GRM5: variants seen among roughly 807,000 people sequenced by gnomAD.
The protein encoded by GRM5 is metabotropic glutamate receptor 5.
In GRM5, 19 loss-of-function variants were observed where a neutral mutation model predicts 83.1. The ratio of observed to expected loss-of-function variants is 0.23; its 90% CI spans 0.16 to 0.34. The LOEUF is 0.34. Ranked by LOEUF, GRM5 falls within the 10% of genes least tolerant of loss-of-function variation. The pLI is 1.00. For synonymous variants in GRM5, 675 were observed against 633.6 expected, an observed-to-expected ratio of 1.07 and a Z score of -0.98; for missense variants, 1,160 against 1,588.3, an observed-to-expected ratio of 0.73 and a Z score of 4.58.
At chr11:88,663,425 TTCTC>T (rs1035192549) in intron 3 of GRM5, among the ~76,000 whole-genome samples, 2 of 152,218 alleles carry the variant, frequency 1.3e-5, no homozygotes, top group Non-Finnish European at 2.9e-5. Flanking sequence ...AATCTTTTGT[TTCTC>T]TCATCATATT....
chr11:88,666,282 C>T (rs1005480359), intron 3 of GRM5, among the ~76,000 whole-genome samples: 6 of 152,062 alleles, frequency 3.9e-5, no homozygotes, highest in African/African-American at 7.2e-5. Flanking sequence ...ATTTTTTATT[C>T]GGCAGGCTAA....
At chr11:89,038,151 T>TTGAG (rs1555067209) in intron 2 of GRM5, among the ~76,000 whole-genome samples, 1 of 144,584 alleles carries the variant, frequency 6.9e-6, no homozygotes, top group African/African-American at 2.6e-5. Flanking sequence ...TAGAATCTCA[T>TTGAG]TGTGTGTGTG....
At chr11:88,600,146 A>G (rs969700306) in intron 5 of GRM5, among the ~76,000 whole-genome samples, 17 of 152,158 alleles carry the variant, frequency 1.1e-4, no homozygotes, top group Admixed American at 3.3e-4. Flanking sequence ...ACACTTTAAT[A>G]TAAATCTCCA....
At chr11:88,600,862 C>G (rs938001171) in intron 5 of GRM5, among the ~76,000 whole-genome samples, 1 of 152,088 alleles carries the variant, frequency 6.6e-6, no homozygotes, top group Non-Finnish European at 1.5e-5. Flanking sequence ...GTTAAAAATT[C>G]TTAAATGTGT....
chr11:89,014,516 G>C (rs1940799933), intron 2 of GRM5, among the ~76,000 whole-genome samples: 1 of 152,086 alleles, frequency 6.6e-6, no homozygotes, highest in African/African-American at 2.4e-5. Flanking sequence ...GTTACCAGAG[G>C]CTGGGAAGGG....
At chr11:88,845,236 A>T (rs960794651) in intron 3 of GRM5, among the ~76,000 whole-genome samples, 2 of 151,754 alleles carry the variant, frequency 1.3e-5, no homozygotes, top group African/African-American at 4.8e-5. Context: ...TTGCCACCCT[A>T]ATCAGTCAGC....
At chr11:88,569,842 T>A (rs1942949936) in intron 7 of GRM5, among the ~76,000 whole-genome samples, 1 of 152,126 alleles carries the variant, frequency 6.6e-6, no homozygotes, top group Non-Finnish European at 1.5e-5. Flanking sequence ...TGATAAGGAG[T>A]AAAGTTTTCC....
At chr11:88,739,644 A>G (rs887473929) in intron 3 of GRM5, among the ~76,000 whole-genome samples, 1 of 151,998 alleles carries the variant, frequency 6.6e-6, no homozygotes, top group Non-Finnish European at 1.5e-5. Flanking sequence ...GTGAATTCTC[A>G]CGAGACTGGA....
At chr11:88,822,334 G>A (rs1051207285) in intron 3 of GRM5, among the ~76,000 whole-genome samples, 1 of 152,042 alleles carries the variant, frequency 6.6e-6, no homozygotes, top group African/African-American at 2.4e-5. Flanking sequence ...TAAAAATGCC[G>A]AATAATATTT....
intron 4 of GRM5, among the ~76,000 whole-genome samples, chr11:88,614,217 T>G (rs760428162): frequency 6.6e-6 from 1 of 152,200 alleles, no homozygotes; most frequent in Non-Finnish European, 1.5e-5. Context: ...TCTTCCTGGC[T>G]CTGTGGCTTG....
intron 3 of GRM5, among the ~76,000 whole-genome samples, chr11:88,701,742 G>A (rs1485080886): frequency 6.6e-6 from 1 of 152,068 alleles, no homozygotes; most frequent in Non-Finnish European, 1.5e-5. Context: ...GGTCATAAAT[G>A]CGTTCTTTAA....
chr11:88,582,733 T>C (rs891873011), intron 7 of GRM5, among the ~76,000 whole-genome samples: 1 of 152,220 alleles, frequency 6.6e-6, no homozygotes, highest in African/African-American at 2.4e-5. Flanking sequence ...TTAATTATAA[T>C]AGTCAAATAA....
intron 1 of GRM5, among the ~76,000 whole-genome samples, chr11:89,048,405 C>G (rs1941687434): frequency 6.6e-6 from 1 of 152,164 alleles, no homozygotes; most frequent in African/African-American, 2.4e-5. Context: ...ACGCCATGAA[C>G]AGAAAACTTC....
intron 2 of GRM5, among the ~76,000 whole-genome samples, chr11:88,931,836 T>C (rs1293512214): frequency 6.6e-6 from 1 of 152,150 alleles, no homozygotes; most frequent in African/African-American, 2.4e-5. Flanking sequence ...TGAACTAAAA[T>C]GATAGTATTA....
Position 88,886,014 on chromosome 11 carries a change from G to A in GRM5, c.662-35859C>T, listed in dbSNP as rs1945039145. Among the ~76,000 whole-genome samples the A allele has an allele frequency of 2.6e-5, 4 of 152,276 alleles. No homozygotes were observed. In the South Asian group the frequency reaches 8.3e-4, roughly 32 times the overall value. The stretch of plus-strand genomic sequence containing the variant: ...TAATAAGATTAAGGTGGGGTGACCA[G>A]CCTTCTCTGCACTCTATGTAAACAT... On this transcript the variant is annotated intron_variant, in intron 2 of 9. Coordinates refer to ENST00000305447, the MANE Select transcript of GRM5 (RefSeq NM_001143831.3).
At chr11:88,760,506 C>T (rs967510025) in intron 3 of GRM5, among the ~76,000 whole-genome samples, 6 of 151,916 alleles carry the variant, frequency 3.9e-5, no homozygotes, top group East Asian at 3.9e-4. Flanking sequence ...AAGACTGAAC[C>T]GGGAATAAAT....
At chr11:88,598,150 A>G (rs1937873383) in intron 5 of GRM5, among the ~76,000 whole-genome samples, 2 of 152,138 alleles carry the variant, frequency 1.3e-5, no homozygotes, top group South Asian at 4.1e-4. Context: ...TCAGGTACAC[A>G]CTGTGTTCAC....
chr11:89,037,185 A>G (rs543765705), intron 2 of GRM5, among the ~76,000 whole-genome samples: 69 of 151,692 alleles, frequency 4.5e-4, no homozygotes, highest in Non-Finnish European at 8.6e-4. Context: ...TGTGGGGGGG[A>G]GTTAGAAATG....
intron 4 of GRM5, among the ~76,000 whole-genome samples, chr11:88,648,945 A>G (rs1432231209): frequency 6.8e-6 from 1 of 148,096 alleles, no homozygotes; most frequent in Non-Finnish European, 1.5e-5. Context: ...AACTGATGCA[A>G]TTCTTTATTC....
Sources: allele counts gnomAD v4.1 joint callset (sites outside exome capture counted in the v4.1 genomes callset), GRCh38; gene constraint gnomAD v4.1.1; transcripts MANE v1.5; gene names NCBI Gene and HGNC (gene_info 2026-07-23, HGNC 2026-07-21).